The following DOCK7 variants were observed in gnomAD, a reference collection of about 807,000 sequenced individuals.
DOCK7 encodes the protein dedicator of cytokinesis protein 7.
A neutral mutation model predicts 271.0 loss-of-function variants in DOCK7; 138 were observed. That is an observed-to-expected ratio of 0.51 (90% CI 0.44 to 0.59). DOCK7 has a LOEUF of 0.59. Among genes scored for constraint, DOCK7 ranks in the 20% least tolerant of loss-of-function variants. The pLI is 0.00. For synonymous variants in DOCK7, 823 were observed against 876.1 expected, an observed-to-expected ratio of 0.94 and a Z score of 1.07; for missense variants, 2,066 against 2,592.4, an observed-to-expected ratio of 0.80 and a Z score of 4.41.
At chr1:62,457,783 A>T in intron 48 of DOCK7, 78 bp from the exon 49 acceptor site, 1 of 1,300,878 alleles carries the variant, frequency 7.7e-7, no homozygotes, top group Admixed American at 2.0e-5. Flanking sequence ...CGCAAAATAC[A>T]TATACATATA....
chr1:62,684,169 C>T (rs1168116), intron 1 of DOCK7, among the ~76,000 whole-genome samples: 50,907 of 150,422 alleles, frequency 0.34, 9,452 homozygotes, highest in Middle Eastern at 0.48. Flanking sequence ...GAGCCGATTG[C>T]GCCACTTCAC....
intron 38 of DOCK7, 100 bp downstream of exon 38, chr1:62,496,239 A>G: frequency 7.5e-7 from 1 of 1,330,512 alleles, no homozygotes; most frequent in Non-Finnish European, 1.1e-6. Context: ...AATGAAATAA[A>G]TGATCCTCCA....
At position 62,647,791 on chromosome 1, in the gene DOCK7, G is replaced by A. The variant is rs777474554; in HGVS notation, c.733-15C>T. On this transcript the variant is annotated splice_polypyrimidine_tract_variant and intron_variant, in intron 6 of 49. Coordinates refer to ENST00000635253, the MANE Select transcript of DOCK7 (RefSeq NM_001367561.1). ...ATTGGTTCTTCCTACAAATTGAAAA[G>A]CAACACCAAAATGAATATGCTTATC... 1 of 1,557,394 alleles carries A rather than the reference G, an allele frequency of 6.4e-7. No homozygotes were observed. Among genetic ancestry groups the A allele is most frequent in the Admixed American group, 1.8e-5 (1 of 54,742 alleles).
chr1:62,549,753 A>G (rs1645832777), intron 22 of DOCK7, among the ~76,000 whole-genome samples: 1 of 152,138 alleles, frequency 6.6e-6, no homozygotes, highest in Admixed American at 6.6e-5. Flanking sequence ...ATCAAATACT[A>G]GATCTTATGC....
intron 2 of DOCK7, among the ~76,000 whole-genome samples, chr1:62,656,587 A>G (rs2149701381): frequency 6.6e-6 from 1 of 152,324 alleles, no homozygotes; most frequent in African/African-American, 2.4e-5. Context: ...TATTCTTTCC[A>G]CTAAGTACAA....
chr1:62,553,344 ATATATATATATTTTTTTTTTTTT>A (rs1476352207), intron 21 of DOCK7, among the ~76,000 whole-genome samples: 188 of 31,268 alleles, frequency 6.0e-3, no homozygotes, highest in South Asian at 8.9e-3. Flanking sequence ...ATATATATAT[ATATATATATATTTTTTTTTTTTT>A]TTTTTTTTTT....
chr1:62,492,902 A>T, intron 40 of DOCK7, 55 bp from the exon 41 acceptor site: 1 of 1,448,590 alleles, frequency 6.9e-7, no homozygotes, highest in Non-Finnish European at 9.5e-7. Context: ...TAGCATAAAA[A>T]TGTATAAGAA....
At chr1:62,681,799 G>T (rs1410891826) in intron 1 of DOCK7, among the ~76,000 whole-genome samples, 4 of 152,074 alleles carry the variant, frequency 2.6e-5, no homozygotes, top group Non-Finnish European at 5.9e-5. Flanking sequence ...CAACTACTCA[G>T]AATATCATGA....
chr1:62,534,828 C>T (rs985288245), intron 29 of DOCK7, among the ~76,000 whole-genome samples: 6 of 152,096 alleles, frequency 3.9e-5, no homozygotes, highest in African/African-American at 1.4e-4. Context: ...TGCAGTGGCT[C>T]ACACCTGTAA....
chr1:62,663,108 T>C lies in DOCK7; in HGVS notation c.61A>G (p.Lys21Glu). The C allele has an allele frequency of 2.5e-6, 4 of 1,612,748 alleles. No homozygotes were observed. Among genetic ancestry groups the C allele is most frequent in the Non-Finnish European group, 3.4e-6 (4 of 1,179,560 alleles). Residue 21 changes from lysine (K) to glutamate (E), a missense_variant, in exon 2 of 50, where the codon AAG (lysine) becomes GAG (glutamate). By Grantham distance (56) the Lys-to-Glu change is moderately conservative. Transcript: ENST00000635253. ...ISRTVAAEVR[K>E]QISGQYSGSP... is the part of the protein sequence containing the mutation. ...CCACTATATTGTCCGGAGATCTGCTTCCTAACTTCGGCTGCCACCGTTCTA... is the reference window on the plus strand; with the variant it reads ...CCACTATATTGTCCGGAGATCTGCTCCCTAACTTCGGCTGCCACCGTTCTA...
chr1:62,620,130 G>T, intron 12 of DOCK7, 137 bp from the exon 13 acceptor site: 1 of 499,656 alleles, frequency 2.0e-6, no homozygotes. Context: ...AACCAGCCTG[G>T]CCAACATGGT....
At chr1:62,619,799 T>C (rs1057160211) in intron 13 of DOCK7, 101 bp downstream of exon 13, 9 of 615,634 alleles carry the variant, frequency 1.5e-5, no homozygotes, top group African/African-American at 7.6e-5. Flanking sequence ...GAAAAATGTC[T>C]GGGCCAGATA....
At position 62,596,767 on chromosome 1, in the gene DOCK7, GATTCA is replaced by G. The variant is rs536340521; in HGVS notation, c.1683-10148_1683-10144del. ...TGCTTGTGACATTGAAGGTATTTAA[GATTCA>G]ATTCTAGTTTGGTCCTAGATGACCA... On this transcript the variant is annotated intron_variant, in intron 14 of 49. Transcript: ENST00000635253. 8.3e-4 allele frequency among the ~76,000 whole-genome samples: 127 copies of G among 152,224 alleles called. 1 individual carries two copies. Among genetic ancestry groups the G allele is most frequent in the Non-Finnish European group, 1.6e-3 (108 of 68,002 alleles).
chr1:62,488,646 T>C (rs1646365927), intron 42 of DOCK7: 2 of 367,912 alleles, frequency 5.4e-6, no homozygotes, highest in Non-Finnish European at 1.0e-5. Flanking sequence ...ATGATCTACC[T>C]TGTGAAACAG....
intron 1 of DOCK7, among the ~76,000 whole-genome samples, chr1:62,669,482 G>A (rs1420657870): frequency 6.6e-6 from 1 of 152,194 alleles, no homozygotes; most frequent in Non-Finnish European, 1.5e-5. Context: ...CTTCACGTCT[G>A]ATTGGGGTAT....
chr1:62,545,506 T>C (rs1645674769), intron 22 of DOCK7, among the ~76,000 whole-genome samples: 1 of 152,096 alleles, frequency 6.6e-6, no homozygotes, highest in South Asian at 2.1e-4. Flanking sequence ...TACCCCATAA[T>C]TCTATTTGAG....
intron 41 of DOCK7, among the ~76,000 whole-genome samples, chr1:62,492,131 A>G (rs1165892973): frequency 6.6e-6 from 1 of 151,386 alleles, no homozygotes; most frequent in Non-Finnish European, 1.5e-5. Context: ...AGGTGGGAAG[A>G]TATCTTGAGC....
chr1:62,626,506 G>C (rs1041213764), intron 11 of DOCK7, among the ~76,000 whole-genome samples: 36 of 146,660 alleles, frequency 2.5e-4, no homozygotes, highest in Non-Finnish European at 5.1e-4. Context: ...AAAAAAAAAA[G>C]ACTCAAATTA....
chr1:62,468,925 C>G (rs1645754391), intron 48 of DOCK7, among the ~76,000 whole-genome samples: 1 of 152,100 alleles, frequency 6.6e-6, no homozygotes, highest in Admixed American at 6.5e-5. Flanking sequence ...TCACAGACGA[C>G]ACTAACAAAT....
Sources: gnomAD v4.1 joint callset for allele counts (sites outside exome capture counted in the v4.1 genomes callset) on GRCh38, gnomAD v4.1.1 for gene constraint, MANE v1.5 for transcripts, NCBI Gene and HGNC (gene_info 2026-07-23, HGNC 2026-07-21) for gene names.